Variants in LBR observed in about 807,000 individuals in gnomAD.
The protein encoded by LBR is lamin B receptor, also known as delta(14)-sterol reductase LBR.
A neutral mutation model predicts 74.3 loss-of-function variants in LBR; 28 were observed. The observed-to-expected ratio is 0.38, with a 90% CI of 0.28 to 0.52. The LOEUF (loss-of-function observed/expected upper bound fraction) is 0.52. Among genes scored for constraint, LBR ranks in the 20% least tolerant of loss-of-function variants. The pLI is 0.89. For missense variants in LBR, 717 were observed against 760.3 expected (o/e 0.94, Z 0.67); for synonymous variants, 228 against 269.3 (o/e 0.85, Z 1.50).
At chr1:225,420,266 G>A (rs554504872) in intron 3 of LBR, among the ~76,000 whole-genome samples, 11 of 147,120 alleles carry the variant, frequency 7.5e-5, no homozygotes, top group South Asian at 4.4e-4. Flanking sequence ...CCAAGACCGC[G>A]CCATTGCACT....
At position 225,419,484 on chromosome 1, in the gene LBR, C is replaced by T. The variant is rs141048357; in HGVS notation, c.451-32G>A. The stretch of plus-strand genomic sequence containing the variant: ...GAAAAATTTAAAAATTAAATATCTG[C>T]AGTGAACAATTACCATTAATGCTAC... On this transcript the variant is annotated intron_variant, in intron 4 of 13. Transcript: ENST00000272163. 2.3e-4 allele frequency: 337 copies of T among 1,464,616 alleles called. 1 individual carries two copies. The African/African-American group carries it at 3.8e-3, about 16-fold the overall frequency. 90.7% of individuals were successfully genotyped at this position (1,464,616 alleles called of 1,614,324 possible).
chr1:225,403,034 T>C lies in LBR; in HGVS notation c.*269A>G, dbSNP rs767353012. The C allele has an allele frequency of 4.2e-5, 19 of 452,536 alleles. No homozygotes were observed. The highest frequency in any genetic ancestry group is 7.2e-5 in the Non-Finnish European group (18 of 250,278). 28.0% of individuals were successfully genotyped at this position (452,536 alleles called of 1,614,324 possible). A position where few individuals can be genotyped will look rare whatever the true frequency, so the allele number is the denominator to read the frequency against. Reference sequence around the variant, plus strand: ...GTACATTTATATTAAGACTGTCTTCTGTTTTCAGATTAAGGGTTGAAAATT... The same window carrying C: ...GTACATTTATATTAAGACTGTCTTCCGTTTTCAGATTAAGGGTTGAAAATT... On this transcript the variant is annotated 3_prime_UTR_variant, in exon 14 of 14. Coordinates refer to ENST00000272163, the MANE Select transcript of LBR (RefSeq NM_002296.4).
In LBR at chr1:225,416,076, G is replaced by A. The variant is rs890000266; in HGVS notation, c.838-744C>T. Among the ~76,000 whole-genome samples the A allele has an allele frequency of 1.4e-4, 22 of 151,972 alleles. 1 individual carries two copies. The highest frequency in any genetic ancestry group is 5.9e-5 in the Non-Finnish European group (4 of 68,016). ...ATACAAAAACTAGCCAAGCCTGGTG[G>A]CACGCGCCTGTGGTCCCAGCTACTC... On this transcript the variant is annotated intron_variant, in intron 6 of 13. Transcript: ENST00000272163.
chr1:225,415,795 C>G (rs939016925), intron 6 of LBR, among the ~76,000 whole-genome samples: 1 of 152,066 alleles, frequency 6.6e-6, no homozygotes, highest in African/African-American at 2.4e-5. Flanking sequence ...CTACTATGAC[C>G]CAAGTGCTAT....
chr1:225,412,825 C>T (rs1028891414), intron 7 of LBR, among the ~76,000 whole-genome samples, 180 bp from the exon 8 acceptor site: 2 of 152,104 alleles, frequency 1.3e-5, no homozygotes, highest in African/African-American at 4.8e-5. Flanking sequence ...AATATACATA[C>T]CATTATCTCT....
At chr1:225,421,590 C>G (rs2096127600) in intron 3 of LBR, among the ~76,000 whole-genome samples, 2 of 152,212 alleles carry the variant, frequency 1.3e-5, no homozygotes, top group Admixed American at 6.5e-5. Flanking sequence ...CTTTGGTCTA[C>G]TATCTAAAAT....
chr1:225,415,056 A>G (rs554034051), intron 7 of LBR, among the ~76,000 whole-genome samples: 1 of 152,368 alleles, frequency 6.6e-6, no homozygotes, highest in East Asian at 1.9e-4. Context: ...AGCACTATTA[A>G]GAAAATAAAA....
intron 13 of LBR, among the ~76,000 whole-genome samples, chr1:225,403,897 ATCCCCCTGCTCCCCCAGT>A (rs1172870257): frequency 1.2e-5 from 1 of 81,708 alleles, no homozygotes; most frequent in Non-Finnish European, 2.4e-5. Context: ...GCTTCCCAAG[ATCCCCCTGCTCCCCCAGT>A]TCCCCCAGCT....
intron 8 of LBR, among the ~76,000 whole-genome samples, 165 bp from the exon 9 acceptor site, chr1:225,411,605 CAGG>C (rs1237989141): frequency 2.6e-5 from 4 of 152,242 alleles, no homozygotes; most frequent in Admixed American, 2.0e-4. Flanking sequence ...CGAGCGGAAC[CAGG>C]AGATGCCTGC....
intron 7 of LBR, chr1:225,414,097 T>C: frequency 4.4e-6 from 2 of 456,776 alleles, no homozygotes; most frequent in South Asian, 3.1e-5. Context: ...CCAAAGGTTC[T>C]AAAACTTGCT....
Position 225,401,659 on chromosome 1 carries a change from A to G in LBR, c.*1644T>C, listed in dbSNP as rs1477768641. On this transcript the variant is annotated 3_prime_UTR_variant, in exon 14 of 14. Coordinates refer to ENST00000272163, the MANE Select transcript of LBR (RefSeq NM_002296.4). ...GGGCTCTTTTCATTACCAGGGAAAG[A>G]ATTTAATGTCCTTCCTTCCTCCCCA... is the stretch of plus-strand genomic sequence containing the variant. 6.6e-6 allele frequency: 1 copy of G among 152,244 alleles called. No homozygotes were observed. Among genetic ancestry groups the G allele is most frequent in the East Asian group, 1.9e-4 (1 of 5,202 alleles). 9.4% of individuals were successfully genotyped at this position (152,244 alleles called of 1,614,324 possible).
intron 1 of LBR, among the ~76,000 whole-genome samples, chr1:225,424,955 G>A (rs2096136187): frequency 6.6e-6 from 1 of 152,092 alleles, no homozygotes; most frequent in South Asian, 2.1e-4. Flanking sequence ...ACAAAACCAG[G>A]GCTGCCGACC....
chr1:225,425,821 G>A (rs1196139489), intron 1 of LBR, among the ~76,000 whole-genome samples: 2 of 152,132 alleles, frequency 1.3e-5, no homozygotes, highest in Non-Finnish European at 2.9e-5. Context: ...AGATGCTCAA[G>A]TTGCAAAAAA....
Position 225,423,991 on chromosome 1 carries a change from T to G in LBR, c.85A>C (p.Ser29Arg). 1 of 1,614,046 alleles carries G rather than the reference T, an allele frequency of 6.2e-7. No individual in the cohort carries two copies. The stretch of plus-strand genomic sequence containing the variant: ...TAAAGCTGGGAGGTGCTGTCGTGGC[T>G]CAGAATTTCTACTTCATAATAAAGT... ...SSLYYEVEILSHDSTSQLYTV... is the reference protein window; with the variant it reads ...SSLYYEVEILRHDSTSQLYTV... Residue 29 changes from serine (S) to arginine (R), a missense_variant, in exon 2 of 14, where the codon AGC (serine) becomes CGC (arginine). Coordinates refer to ENST00000272163, the MANE Select transcript of LBR (RefSeq NM_002296.4).
upstream of LBR, among the ~76,000 whole-genome samples, chr1:225,428,357 G>A (rs2096145568): frequency 6.6e-6 from 1 of 152,162 alleles, no homozygotes. Flanking sequence ...GCAGCACACG[G>A]AGCCCGCGCG....
intron 2 of LBR, among the ~76,000 whole-genome samples, chr1:225,422,686 G>T (rs527543492): frequency 3.3e-5 from 5 of 150,994 alleles, no homozygotes; most frequent in Admixed American, 1.3e-4. Context: ...CACATAAGCA[G>T]ATCTTGAAAA....
intron 2 of LBR, among the ~76,000 whole-genome samples, chr1:225,423,114 G>A (rs1208813465): frequency 2.0e-5 from 3 of 152,196 alleles, no homozygotes; most frequent in Admixed American, 2.0e-4. Flanking sequence ...TACCAAAATT[G>A]AGAAATAGGT....
Position 225,423,479 on chromosome 1 carries a change from C to T in LBR, c.165+432G>A, listed in dbSNP as rs904351478. 2.6e-5 allele frequency among the ~76,000 whole-genome samples: 4 copies of T among 152,064 alleles called. No homozygotes were observed. The South Asian group carries it at 6.2e-4, about 24-fold the overall frequency. On this transcript the variant is annotated intron_variant, in intron 2 of 13. Transcript: ENST00000272163. The stretch of plus-strand genomic sequence containing the variant: ...CTTCCAGCACTTGGCTGACTGTGTC[C>T]CCCAGACCCCTGACTTTGGCATACT...
In LBR at chr1:225,410,860, C is replaced by T. The variant is rs567088172; in HGVS notation, c.1189-444G>A. ...ACAACAGCGGAAAAACTGGTGAACTCGACTGAGGCCTGTGGACTTGGTAAC... is the reference window on the plus strand; with the variant it reads ...ACAACAGCGGAAAAACTGGTGAACTTGACTGAGGCCTGTGGACTTGGTAAC... On this transcript the variant is annotated intron_variant, in intron 9 of 13. Coordinates refer to ENST00000272163, the MANE Select transcript of LBR (RefSeq NM_002296.4). 1.9e-4 allele frequency among the ~76,000 whole-genome samples: 29 copies of T among 152,298 alleles called. No individual in the cohort carries two copies. In the East Asian group the frequency reaches 4.8e-3, roughly 25 times the overall value.
Sources: gnomAD v4.1 joint callset for allele counts (sites outside exome capture counted in the v4.1 genomes callset) on GRCh38, gnomAD v4.1.1 for gene constraint, MANE v1.5 for transcripts, NCBI Gene and HGNC (gene_info 2026-07-23, HGNC 2026-07-21) for gene names.